Variants in MACROD2 observed in about 807,000 individuals in gnomAD.
MACROD2 encodes the protein mono-ADP ribosylhydrolase 2, also known as ADP-ribose glycohydrolase MACROD2.
A neutral mutation model predicts 70.4 loss-of-function variants in MACROD2; 36 were observed. The ratio of observed to expected loss-of-function variants is 0.51; its 90% CI spans 0.39 to 0.68. The LOEUF is 0.68. Ranked by LOEUF, MACROD2 falls within the 30% of genes least tolerant of loss-of-function variation. The pLI is 0.00. For synonymous variants in MACROD2, 172 were observed against 178.8 expected (o/e 0.96, Z 0.30); for missense variants, 496 against 538.4 (o/e 0.92, Z 0.78).
intron 3 of MACROD2, among the ~76,000 whole-genome samples, chr20:14,412,683 G>A (rs546453929): frequency 3.9e-5 from 6 of 152,098 alleles, no homozygotes; most frequent in Non-Finnish European, 7.4e-5. Context: ...TAATCCCTAC[G>A]TTACAGGCCT....
At chr20:15,361,801 T>C (rs1319924545) in intron 6 of MACROD2, among the ~76,000 whole-genome samples, 2 of 152,170 alleles carry the variant, frequency 1.3e-5, no homozygotes, top group African/African-American at 4.8e-5. Context: ...CTTAATGATG[T>C]CATTTTTGAG....
intron 6 of MACROD2, among the ~76,000 whole-genome samples, chr20:15,290,404 G>T (rs1451337878): frequency 1.3e-5 from 2 of 152,136 alleles, no homozygotes; most frequent in East Asian, 3.9e-4. Flanking sequence ...GTAAAAGCCA[G>T]TTGAGTTTCT....
At chr20:14,652,542 A>G (rs1426315526) in intron 4 of MACROD2, among the ~76,000 whole-genome samples, 1 of 152,192 alleles carries the variant, frequency 6.6e-6, no homozygotes, top group Non-Finnish European at 1.5e-5. Flanking sequence ...AAACATTGGA[A>G]GTTTAAAAAC....
At chr20:15,444,489 G>A (rs532650160) in intron 7 of MACROD2, among the ~76,000 whole-genome samples, 2 of 152,212 alleles carry the variant, frequency 1.3e-5, no homozygotes, top group South Asian at 4.2e-4. Context: ...CCTCTCCAAA[G>A]CTACTTTTGC....
chr20:14,713,110 A>AGT (rs913298073), intron 5 of MACROD2, among the ~76,000 whole-genome samples: 3 of 151,364 alleles, frequency 2.0e-5, no homozygotes, highest in South Asian at 2.1e-4. Flanking sequence ...TTCTTGTGTG[A>AGT]GTGTGTGTGT....
chr20:16,021,544 C>T (rs2067001431), intron 15 of MACROD2, among the ~76,000 whole-genome samples: 1 of 152,134 alleles, frequency 6.6e-6, no homozygotes, highest in Non-Finnish European at 1.5e-5. Context: ...CTGAACACTG[C>T]CTTGTACTGT....
intron 5 of MACROD2, among the ~76,000 whole-genome samples, chr20:15,153,646 G>A (rs973765346): frequency 2.0e-5 from 3 of 152,152 alleles, no homozygotes; most frequent in African/African-American, 7.2e-5. Context: ...AATGAATGAA[G>A]CCAGATATGG....
intron 5 of MACROD2, among the ~76,000 whole-genome samples, chr20:14,704,207 A>G (rs1254276687): frequency 6.6e-6 from 1 of 152,138 alleles, no homozygotes. Flanking sequence ...TCTCCTCAGC[A>G]TTGAACTAAA....
intron 10 of MACROD2, among the ~76,000 whole-genome samples, chr20:15,900,048 G>A (rs575417942): frequency 1.3e-5 from 2 of 152,202 alleles, no homozygotes; most frequent in African/African-American, 4.8e-5. Flanking sequence ...CGTGTGACAT[G>A]CTGTTTTGTG....
At chr20:15,232,612 C>A (rs2076968668) in intron 6 of MACROD2, among the ~76,000 whole-genome samples, 1 of 152,124 alleles carries the variant, frequency 6.6e-6, no homozygotes, top group South Asian at 2.1e-4. Context: ...AAGTATTTGA[C>A]AATGTTACTT....
At chr20:14,599,083 A>AC (rs1419784368) in intron 4 of MACROD2, among the ~76,000 whole-genome samples, 1 of 152,178 alleles carries the variant, frequency 6.6e-6, no homozygotes, top group African/African-American at 2.4e-5. Context: ...TGAGGCATTA[A>AC]CCATCTAGCA....
intron 8 of MACROD2, among the ~76,000 whole-genome samples, chr20:15,817,252 A>G (rs1238526197): frequency 6.6e-6 from 1 of 152,224 alleles, no homozygotes; most frequent in Non-Finnish European, 1.5e-5. Context: ...ACCAATTTAT[A>G]AAGCGCACTC....
At chr20:14,248,040 C>G (rs990934141) in intron 3 of MACROD2, among the ~76,000 whole-genome samples, 1 of 152,144 alleles carries the variant, frequency 6.6e-6, no homozygotes, top group Non-Finnish European at 1.5e-5. Flanking sequence ...TGCAACTGTG[C>G]TGCTTAGCTA....
chr20:14,422,242 T>C (rs1472801419), intron 3 of MACROD2, among the ~76,000 whole-genome samples: 1 of 152,214 alleles, frequency 6.6e-6, no homozygotes, highest in Non-Finnish European at 1.5e-5. Flanking sequence ...TGGTTACATT[T>C]GCATGTAATG....
chr20:14,911,267 C>T (rs1194431563), intron 5 of MACROD2, among the ~76,000 whole-genome samples: 2 of 152,108 alleles, frequency 1.3e-5, no homozygotes, highest in Non-Finnish European at 2.9e-5. Flanking sequence ...AAAAACTAGC[C>T]CCAGATGTTA....
At chr20:14,507,777 G>A (rs888543632) in intron 4 of MACROD2, among the ~76,000 whole-genome samples, 10 of 152,144 alleles carry the variant, frequency 6.6e-5, no homozygotes, top group Admixed American at 2.6e-4. Flanking sequence ...GCCCATGTCC[G>A]TGATACAGTT....
chr20:15,174,999 C>A (rs1479015247), intron 5 of MACROD2, among the ~76,000 whole-genome samples: 2 of 151,910 alleles, frequency 1.3e-5, no homozygotes, highest in Non-Finnish European at 2.9e-5. Flanking sequence ...TGCAGAAGCT[C>A]TTTAGTTTAA....
chr20:14,230,643 ATATATATAT>A (rs1247883837), intron 3 of MACROD2, among the ~76,000 whole-genome samples: 2 of 66,984 alleles, frequency 3.0e-5, no homozygotes, highest in African/African-American at 1.7e-4. Context: ...ATATATATAT[ATATATATAT>A]ATAACACAGG....
intron 5 of MACROD2, among the ~76,000 whole-genome samples, chr20:14,755,838 A>C (rs1730791368): frequency 6.6e-6 from 1 of 152,202 alleles, no homozygotes; most frequent in Non-Finnish European, 1.5e-5. Context: ...AACTTCAAGA[A>C]AACCCAAATT....
Sources: allele counts gnomAD v4.1 joint callset (sites outside exome capture counted in the v4.1 genomes callset), GRCh38; gene constraint gnomAD v4.1.1; transcripts MANE v1.5; gene names NCBI Gene and HGNC (gene_info 2026-07-23, HGNC 2026-07-21).